PPP2CB: variants seen among roughly 807,000 people sequenced by gnomAD.
PPP2CB encodes the protein serine/threonine-protein phosphatase 2A catalytic subunit beta isoform.
PPP2CB carries 18 observed loss-of-function variants against 39.1 expected under a neutral mutation model. The observed-to-expected ratio is 0.46, with a 90% CI of 0.32 to 0.68. The LOEUF is 0.68. Ranked by LOEUF, PPP2CB falls within the 30% of genes least tolerant of loss-of-function variation. The pLI is 0.04. For missense variants in PPP2CB, 226 were observed against 396.9 expected (o/e 0.57, Z 3.66); for synonymous variants, 129 against 133.8 (o/e 0.96, Z 0.25).
Position 30,786,295 on chromosome 8 carries a change from G to T in PPP2CB, c.870C>A (p.Asp290Glu). The T allele has an allele frequency of 6.3e-7, 1 of 1,577,432 alleles. No homozygotes were observed. Among genetic ancestry groups the T allele is most frequent in the South Asian group, 1.2e-5 (1 of 85,924 alleles). Residue 290 changes from aspartate (D) to glutamate (E), a missense_variant, in exon 7 of 7, where the codon GAC (aspartate) becomes GAA (glutamate). Transcript: ENST00000221138. ...DTLKYSFLQF[D>E]PAPRRGEPHV... ...GAGGCTCACCACGACGAGGCGCTGG[G>T]TCAAATTGAAGGCTGTAAATGGCAA...
chr8:30,800,051 T>C (rs1344518252), intron 1 of PPP2CB, among the ~76,000 whole-genome samples: 3 of 152,220 alleles, frequency 2.0e-5, no homozygotes, highest in Admixed American at 2.0e-4. Context: ...AATTACCATG[T>C]AATCCAGCAG....
At position 30,794,176 on chromosome 8, in the gene PPP2CB, T is replaced by C; in HGVS notation, c.576+16A>G. 1 of 1,611,764 alleles carries C rather than the reference T, an allele frequency of 6.2e-7. No homozygotes were observed. Among genetic ancestry groups the C allele is most frequent in the Non-Finnish European group, 8.5e-7 (1 of 1,179,096 alleles). On this transcript the variant is annotated intron_variant, in intron 4 of 6. Coordinates refer to ENST00000221138, the MANE Select transcript of PPP2CB (RefSeq NM_001009552.2). ...ATTTTCTTTTCCTTTCTTCTTCTTT[T>C]TTAAATTAAGTTTACCTCATGTGGA...
At chr8:30,794,480 T>A (rs1806487316) in intron 3 of PPP2CB, 199 bp from the exon 4 acceptor site, 1 of 499,780 alleles carries the variant, frequency 2.0e-6, no homozygotes, top group South Asian at 3.0e-5. Context: ...TTTCTTTTTT[T>A]TTTTTTCCCC....
chr8:30,806,142 G>A (rs1806721450), intron 1 of PPP2CB, among the ~76,000 whole-genome samples: 1 of 151,492 alleles, frequency 6.6e-6, no homozygotes, highest in Non-Finnish European at 1.5e-5. Flanking sequence ...CTGCCTCCTG[G>A]GTTCACGCCA....
intron 1 of PPP2CB, among the ~76,000 whole-genome samples, chr8:30,800,456 T>TAGGGA (rs2128761764): frequency 6.6e-6 from 1 of 152,354 alleles, no homozygotes; most frequent in African/African-American, 2.4e-5. Context: ...GAACAAACAT[T>TAGGGA]CTTACACCAA....
chr8:30,791,100 T>C (rs1276248191), intron 6 of PPP2CB, 97 bp downstream of exon 6: 3 of 751,858 alleles, frequency 4.0e-6, no homozygotes, highest in Non-Finnish European at 6.4e-6. Flanking sequence ...GGCTTTGCTA[T>C]ACTCCTCATC....
intron 1 of PPP2CB, among the ~76,000 whole-genome samples, chr8:30,807,762 T>C (rs4733515): frequency 0.25 from 37,366 of 152,158 alleles, 6,120 homozygotes; most frequent in African/African-American, 0.46. Context: ...GCACACAATC[T>C]TCTAAAATAA....
chr8:30,786,720 C>T (rs1376578882), intron 6 of PPP2CB, among the ~76,000 whole-genome samples: 1 of 145,544 alleles, frequency 6.9e-6, no homozygotes, highest in Non-Finnish European at 1.5e-5. Flanking sequence ...CTGGAGTGCA[C>T]TGGCACGATC....
At position 30,810,844 on chromosome 8, in the gene PPP2CB, T is replaced by G. The variant is rs532966667; in HGVS notation, c.102+1476A>C. ...AATATTGTAACTTAACACCATCTAT[T>G]AGTGCTCCTTTTCTAAGTAAATTTC... is the stretch of plus-strand genomic sequence containing the variant. On this transcript the variant is annotated intron_variant, in intron 1 of 6. Coordinates refer to ENST00000221138, the MANE Select transcript of PPP2CB (RefSeq NM_001009552.2). Among the ~76,000 whole-genome samples the G allele has an allele frequency of 2.6e-5, 4 of 152,334 alleles. No individual in the cohort carries two copies. In the South Asian group the frequency reaches 8.3e-4, roughly 32 times the overall value.
intron 1 of PPP2CB, among the ~76,000 whole-genome samples, chr8:30,810,803 C>T (rs1351331439): frequency 1.3e-5 from 2 of 152,208 alleles, no homozygotes; most frequent in Non-Finnish European, 2.9e-5. Context: ...CCCCGACCAA[C>T]ATTACACCCG....
At position 30,787,706 on chromosome 8, in the gene PPP2CB, A is replaced by T. The variant is rs886844456; in HGVS notation, c.858-1399T>A. ...TGGGCTTGGCCTTTTATTTGTGGGGAGTTTTAACTTTTTCACTCATTTATT... is the reference window on the plus strand; with the variant it reads ...TGGGCTTGGCCTTTTATTTGTGGGGTGTTTTAACTTTTTCACTCATTTATT... On this transcript the variant is annotated intron_variant, in intron 6 of 6. Coordinates refer to ENST00000221138, the MANE Select transcript of PPP2CB (RefSeq NM_001009552.2). 6.6e-4 allele frequency among the ~76,000 whole-genome samples: 100 copies of T among 152,172 alleles called. 1 individual carries two copies. The highest frequency in any genetic ancestry group is 2.3e-3 in the African/African-American group (97 of 41,508).
intron 1 of PPP2CB, among the ~76,000 whole-genome samples, chr8:30,800,761 C>T (rs1343184886): frequency 6.6e-6 from 1 of 152,224 alleles, no homozygotes; most frequent in Non-Finnish European, 1.5e-5. Context: ...TCTGGGCCTA[C>T]TGTTATCTAC....
At chr8:30,802,050 T>C (rs1402019537) in intron 1 of PPP2CB, among the ~76,000 whole-genome samples, 1 of 152,228 alleles carries the variant, frequency 6.6e-6, no homozygotes, top group Non-Finnish European at 1.5e-5. Flanking sequence ...TAGGCTACCA[T>C]GTATTCTTCT....
chr8:30,804,115 C>G (rs1806678194), intron 1 of PPP2CB, among the ~76,000 whole-genome samples: 1 of 152,142 alleles, frequency 6.6e-6, no homozygotes. Context: ...GCCACTGTGC[C>G]CAGTTGACAA....
At chr8:30,795,960 G>GA (rs1806515109) in intron 3 of PPP2CB, among the ~76,000 whole-genome samples, 2 of 151,982 alleles carry the variant, frequency 1.3e-5, no homozygotes, top group African/African-American at 4.8e-5. Context: ...TAACTTTTCA[G>GA]AAAGAAAGGA....
At chr8:30,790,253 T>C (rs1042022105) in intron 6 of PPP2CB, among the ~76,000 whole-genome samples, 1 of 152,168 alleles carries the variant, frequency 6.6e-6, no homozygotes, top group South Asian at 2.1e-4. Context: ...TGCTCCTGAG[T>C]GGGTATGGCT....
intron 1 of PPP2CB, among the ~76,000 whole-genome samples, chr8:30,800,161 T>C (rs1278790828): frequency 1.3e-5 from 2 of 152,206 alleles, no homozygotes; most frequent in Non-Finnish European, 2.9e-5. Context: ...CCACCAGATA[T>C]TGATCAACCG....
chr8:30,802,722 A>G (rs1381617340), intron 1 of PPP2CB, among the ~76,000 whole-genome samples: 1 of 152,210 alleles, frequency 6.6e-6, no homozygotes, highest in Non-Finnish European at 1.5e-5. Context: ...ACTTCAAAAC[A>G]AATTCCAGAT....
chr8:30,802,550 A>G (rs1250624341), intron 1 of PPP2CB, among the ~76,000 whole-genome samples: 1 of 152,072 alleles, frequency 6.6e-6, no homozygotes, highest in Non-Finnish European at 1.5e-5. Context: ...GTGTGAACGT[A>G]GCTCACTGCA....
Sources: allele counts gnomAD v4.1 joint callset (sites outside exome capture counted in the v4.1 genomes callset), GRCh38; gene constraint gnomAD v4.1.1; transcripts MANE v1.5; gene names NCBI Gene and HGNC (gene_info 2026-07-23, HGNC 2026-07-21).